SPARCL1: variants seen among roughly 807,000 people sequenced by gnomAD.
SPARCL1 encodes the protein SPARC like 1, also known as SPARC-like protein 1.
In SPARCL1, 52 loss-of-function variants were observed where a neutral mutation model predicts 67.1. The observed-to-expected ratio is 0.78, with a 90% CI of 0.62 to 0.98. The LOEUF (loss-of-function observed/expected upper bound fraction) is 0.98, where lower values mean the gene tolerates loss of function less well. Among genes scored for constraint, SPARCL1 ranks in the 50% least tolerant of loss-of-function variants. SPARCL1 has a pLI of 0.00. For synonymous variants in SPARCL1, 226 were observed against 267.8 expected (o/e 0.84, Z 1.52); for missense variants, 717 against 782.4 (o/e 0.92, Z 1.00).
intron 7 of SPARCL1, among the ~76,000 whole-genome samples, chr4:87,484,975 T>C (rs1723990186): frequency 6.6e-6 from 1 of 152,052 alleles, no homozygotes; most frequent in South Asian, 2.1e-4. Context: ...ACTGAGATGA[T>C]GGGGTTTTCT....
chr4:87,510,455 C>T (rs574235442), intron 1 of SPARCL1, among the ~76,000 whole-genome samples: 4 of 152,286 alleles, frequency 2.6e-5, no homozygotes, highest in East Asian at 3.9e-4. Context: ...TACCTACGGC[C>T]TGCCCCGTCC....
In SPARCL1 at chr4:87,493,641, T is replaced by A. The variant is rs144430788; in HGVS notation, c.1159A>T (p.Arg387Ter). 6.2e-7 allele frequency: 1 copy of A among 1,613,992 alleles called. No individual in the cohort carries two copies. The highest frequency in any genetic ancestry group is 8.5e-7 in the Non-Finnish European group (1 of 1,179,958). ...IAYHLKIEEQ[R>*]EKVHENENIG... ...TTTTCATTTTCATGTACTTTTTCTC[T>A]TTGCTCCTCAATTTTGAGGTGATAG... is the stretch of plus-strand genomic sequence containing the variant. Residue 387 changes from arginine to a stop codon, truncating the protein, a stop_gained, in exon 4 of 11, where the codon AGA becomes TGA. Coordinates refer to ENST00000282470, the MANE Select transcript of SPARCL1 (RefSeq NM_004684.6). LOFTEE classifies it high-confidence loss of function.
rs1723769975 is a variant in SPARCL1 at position 87,480,457 on chromosome 4, A to G, written c.1732T>C (p.Leu578=). The G allele has an allele frequency of 6.2e-7, 1 of 1,613,592 alleles. No homozygotes were observed. Residue 578 remains leucine (L), a synonymous_variant, in exon 9 of 11, where the codon TTA becomes CTA. Coordinates refer to ENST00000282470, the MANE Select transcript of SPARCL1 (RefSeq NM_004684.6). The part of the protein sequence containing the change: ...LAGDHPIDLL[L]RDFKKNYHMY... ...TGGTAGTTTTTCTTAAAGTCCCTTA[A>G]GAGAAGATCAATGGGATGGTCCCCA...
chr4:87,474,552 C>G lies in SPARCL1; in HGVS notation c.1967-749G>C, dbSNP rs73839657. 8.4e-3 allele frequency among the ~76,000 whole-genome samples: 1,272 copies of G among 152,248 alleles called. 17 individuals carry two copies. The highest frequency in any genetic ancestry group is 0.029 in the African/African-American group (1,211 of 41,526). On this transcript the variant is annotated intron_variant, in intron 10 of 10. Coordinates refer to ENST00000282470, the MANE Select transcript of SPARCL1 (RefSeq NM_004684.6). ...TTTCTTGACGTTAAGGCTAATTCCT[C>G]TACCTATGCTCAAGATCTCTTCTGA... is the stretch of plus-strand genomic sequence containing the variant.
chr4:87,486,602 G>A lies in SPARCL1; in HGVS notation c.1531+3671C>T, dbSNP rs191026125. 8.5e-4 allele frequency among the ~76,000 whole-genome samples: 130 copies of A among 152,142 alleles called. No individual in the cohort carries two copies. In the Middle Eastern group the frequency reaches 0.027, roughly 32 times the overall value. On this transcript the variant is annotated intron_variant, in intron 7 of 10. Transcript: ENST00000282470. ...CTGCTTGGTCCAGAGCTGAGTTCAA[G>A]TCCTGAATATACTTGTTAATTTCTG...
chr4:87,505,726 T>C (rs1578109099), intron 1 of SPARCL1, among the ~76,000 whole-genome samples: 2 of 144,228 alleles, frequency 1.4e-5, no homozygotes, highest in Admixed American at 1.4e-4. Context: ...AGCTAATTGT[T>C]TTTTTTTTTT....
intron 1 of SPARCL1, among the ~76,000 whole-genome samples, chr4:87,512,779 C>T (rs1029550445): frequency 6.6e-6 from 1 of 152,036 alleles, no homozygotes; most frequent in East Asian, 1.9e-4. Flanking sequence ...TTACAGCAAC[C>T]GAAAACCAAA....
intron 2 of SPARCL1, among the ~76,000 whole-genome samples, chr4:87,495,824 G>A (rs1301559884): frequency 3.3e-5 from 5 of 152,080 alleles, no homozygotes; most frequent in Non-Finnish European, 7.4e-5. Flanking sequence ...GCAGCTACTC[G>A]GGAGGCTGAG....
At chr4:87,485,005 C>T (rs1042365793) in intron 7 of SPARCL1, among the ~76,000 whole-genome samples, 2 of 151,980 alleles carry the variant, frequency 1.3e-5, no homozygotes, top group Non-Finnish European at 2.9e-5. Flanking sequence ...ATCATGTCAT[C>T]TGCAAACAGG....
chr4:87,483,197 A>G (rs1041508873), intron 7 of SPARCL1, among the ~76,000 whole-genome samples: 1 of 151,872 alleles, frequency 6.6e-6, no homozygotes, highest in African/African-American at 2.4e-5. Flanking sequence ...TCAACCCATC[A>G]TCTACATTAG....
At chr4:87,491,012 G>T in intron 5 of SPARCL1, 134 bp from the exon 6 acceptor site, 1 of 558,226 alleles carries the variant, frequency 1.8e-6, no homozygotes. Flanking sequence ...ATTTGGAAGT[G>T]GGAAGACATT....
rs547199492 is a variant in SPARCL1, at chr4:87,507,823, G to T, written c.-11-8238C>A. Among the ~76,000 whole-genome samples, 141 of 152,326 alleles carry T rather than the reference G, an allele frequency of 9.3e-4. 1 individual carries two copies. The highest frequency in any genetic ancestry group is 3.3e-3 in the African/African-American group (137 of 41,566). Reference sequence around the variant, plus strand: ...AGAACTTCTGGCTGACTGGTTTCAAGTTGGGCTTCCATGACTCCCTCTTGG... The same window carrying T: ...AGAACTTCTGGCTGACTGGTTTCAATTTGGGCTTCCATGACTCCCTCTTGG... On this transcript the variant is annotated intron_variant, in intron 1 of 10. Coordinates refer to ENST00000282470, the MANE Select transcript of SPARCL1 (RefSeq NM_004684.6).
chr4:87,493,300 A>T (rs1724432807), intron 4 of SPARCL1, among the ~76,000 whole-genome samples: 1 of 152,212 alleles, frequency 6.6e-6, no homozygotes. Flanking sequence ...TCCTTTTATT[A>T]GCTTCCTTTC....
intron 10 of SPARCL1, among the ~76,000 whole-genome samples, chr4:87,474,565 A>G (rs1723485737): frequency 6.6e-6 from 1 of 152,138 alleles, no homozygotes; most frequent in South Asian, 2.1e-4. Flanking sequence ...CCTATGCTCA[A>G]GATCTCTTCT....
intron 1 of SPARCL1, among the ~76,000 whole-genome samples, chr4:87,527,311 T>C (rs764351017): frequency 1.3e-5 from 2 of 152,120 alleles, no homozygotes; most frequent in Admixed American, 6.5e-5. Context: ...CTGGATTTAT[T>C]TATGGGGGTC....
In SPARCL1 at chr4:87,494,330, A is replaced by G. The variant is rs899926955; in HGVS notation, c.470T>C (p.Ile157Thr). 3 of 1,613,910 alleles carry G rather than the reference A, an allele frequency of 1.9e-6. No individual in the cohort carries two copies. In the African/African-American group the frequency reaches 4.0e-5, roughly 22 times the overall value. ...SFTDSNQQES[I>T]TKREENQEQP... is the part of the protein sequence containing the mutation. ...TTCTTGGTTTTCCTCTCTCTTTGTG[A>G]TACTTTCTTGTTGGTTAGAATCTGT... The change falls in exon 4 of 11, where the codon ATC becomes ACC. Residue 157 changes from isoleucine to threonine, a missense_variant. Ile to Thr is a moderately conservative substitution (Grantham distance 89, BLOSUM62 -1). Coordinates refer to ENST00000282470, the MANE Select transcript of SPARCL1 (RefSeq NM_004684.6).
intron 1 of SPARCL1, among the ~76,000 whole-genome samples, chr4:87,517,024 T>C (rs1965907): frequency 0.55 from 84,083 of 151,978 alleles, 23,950 homozygotes; most frequent in East Asian, 0.76. Context: ...CCACACCCTG[T>C]CCTGTGTTAT....
intron 7 of SPARCL1, among the ~76,000 whole-genome samples, chr4:87,486,051 G>A (rs558673478): frequency 6.1e-4 from 93 of 151,636 alleles, no homozygotes; most frequent in African/African-American, 2.0e-3. Flanking sequence ...AGGGTTTTTC[G>A]TGTCTCTATC....
chr4:87,490,278 C>T lies in SPARCL1; in HGVS notation c.1526G>A (p.Cys509Tyr). The change falls in exon 7 of 11, where the codon TGC becomes TAC. Residue 509 changes from cysteine (C) to tyrosine (Y), a missense_variant. Transcript: ENST00000282470. ...CAGGAGGGACATAATCTTACATTTG[C>T]AGGCTCCAAAATAATCCAGCTGGAG... is the stretch of plus-strand genomic sequence containing the variant. ...HQLQLDYFGACKSIPTCTDFE... is the reference protein window; with the variant it reads ...HQLQLDYFGAYKSIPTCTDFE... 1 of 1,608,980 alleles carries T rather than the reference C, an allele frequency of 6.2e-7. No homozygotes were observed. Among genetic ancestry groups the T allele is most frequent in the Non-Finnish European group, 8.5e-7 (1 of 1,178,072 alleles).
Sources: gnomAD v4.1 joint callset for allele counts (sites outside exome capture counted in the v4.1 genomes callset) on GRCh38, gnomAD v4.1.1 for gene constraint, MANE v1.5 for transcripts, NCBI Gene and HGNC (gene_info 2026-07-23, HGNC 2026-07-21) for gene names.